Variants in HDAC8 observed in about 807,000 individuals in gnomAD.
The protein encoded by HDAC8 is histone deacetylase-like 1.
A neutral mutation model predicts 32.2 loss-of-function variants in HDAC8; 1 was observed. The ratio of observed to expected loss-of-function variants is 0.03; its 90% CI spans 0.01 to 0.15. The LOEUF is 0.15. HDAC8 is among the 10% of genes least tolerant of loss of function. The pLI is 1.00. For synonymous variants in HDAC8, 108 were observed against 113.9 expected, an observed-to-expected ratio of 0.95 and a Z score of 0.33; for missense variants, 117 against 300.0, an observed-to-expected ratio of 0.39 and a Z score of 4.51.
chrX:72,562,517 G>A (rs1036507804), intron 4 of HDAC8, among the ~76,000 whole-genome samples: 1 of 110,632 alleles, frequency 9.0e-6, no homozygotes, highest in Admixed American at 9.6e-5. Context: ...TTAGACTTTG[G>A]GGACTCGGGG....
chrX:72,499,123 A>G (rs2049126248), intron 4 of HDAC8, among the ~76,000 whole-genome samples: 1 of 111,869 alleles, frequency 8.9e-6, no homozygotes, highest in Non-Finnish European at 1.9e-5. Context: ...CCCTCACCAG[A>G]AGCAGATACT....
chrX:72,555,129 G>C (rs2147518612), intron 4 of HDAC8, among the ~76,000 whole-genome samples: 1 of 112,220 alleles, frequency 8.9e-6, no homozygotes, highest in East Asian at 2.8e-4. Context: ...CTGCTGGGTG[G>C]CTAGACTCAG....
rs1000988854 is a variant in HDAC8 at position 72,329,855 on chromosome X, T to C, written c.*199A>G. On this transcript the variant is annotated 3_prime_UTR_variant, in exon 11 of 11. Transcript: ENST00000373573. ...TGGGATATCTCCTTCTTCCCCTAGG[T>C]CCAGTTGAGGACTCTGGGGTGCCTG... 3.7e-5 allele frequency: 33 copies of C among 901,812 alleles called. No individual in the cohort carries two copies. The African/African-American group carries it at 6.3e-4, about 17-fold the overall frequency. 74.3% of individuals were successfully genotyped at this position (901,812 alleles called of 1,213,427 possible).
intron 4 of HDAC8, among the ~76,000 whole-genome samples, chrX:72,555,161 A>T (rs782353448): frequency 8.9e-6 from 1 of 112,065 alleles, no homozygotes; most frequent in Admixed American, 9.4e-5. Flanking sequence ...CAATCGCTAC[A>T]GTTTAGCTCT....
chrX:72,352,680 T>C (rs1356322317), intron 9 of HDAC8, among the ~76,000 whole-genome samples: 2 of 112,005 alleles, frequency 1.8e-5, no homozygotes, highest in Non-Finnish European at 3.8e-5. Flanking sequence ...AATTTTTCTT[T>C]CTCTATAGTA....
rs1429640140 is a variant in HDAC8 at position 72,357,978 on chromosome X, C to T, written c.1006-6140G>A. Among the ~76,000 whole-genome samples, 17 of 109,795 alleles carry T rather than the reference C, an allele frequency of 1.5e-4. No individual in the cohort carries two copies. The Admixed American group carries it at 1.7e-3, about 11-fold the overall frequency. ...GGAGTGCGGTGGCATGATCTCGGAT[C>T]ACTGCAACCTCCACCACCCAGGTTC... On this transcript the variant is annotated intron_variant, in intron 9 of 10. Coordinates refer to ENST00000373573, the MANE Select transcript of HDAC8 (RefSeq NM_018486.3).
intron 8 of HDAC8, among the ~76,000 whole-genome samples, chrX:72,462,863 G>A (rs1228897725): frequency 1.8e-5 from 2 of 111,907 alleles, no homozygotes; most frequent in African/African-American, 3.2e-5. Flanking sequence ...TAATCTCAAC[G>A]CAGCCTAAGG....
At chrX:72,387,272 G>A (rs1320324416) in intron 9 of HDAC8, among the ~76,000 whole-genome samples, 1 of 111,777 alleles carries the variant, frequency 8.9e-6, no homozygotes, top group Non-Finnish European at 1.9e-5. Flanking sequence ...AGGGAAGAGG[G>A]AAATCCTTTG....
At position 72,452,559 on chromosome X, in the gene HDAC8, C is replaced by G. The variant is rs782123965; in HGVS notation, c.1005+9445G>C. Among the ~76,000 whole-genome samples the G allele has an allele frequency of 2.7e-5, 3 of 111,835 alleles. No homozygotes were observed. The South Asian group carries it at 1.1e-3, about 42-fold the overall frequency. ...AGATCTCACTGAATACCTGGGGTAA[C>G]AGTATAGGCTTCACAGGGGTAGTAC... On this transcript the variant is annotated intron_variant, in intron 9 of 10. Transcript: ENST00000373573.
chrX:72,464,785 G>T, intron 7 of HDAC8, 54 bp from the exon 8 acceptor site: 4 of 862,639 alleles, frequency 4.6e-6, no homozygotes, highest in Non-Finnish European at 6.8e-6. Flanking sequence ...TAGGGGTAGT[G>T]GTGGTGGTAG....
chrX:72,507,144 T>C (rs1296244226), intron 4 of HDAC8, among the ~76,000 whole-genome samples: 3 of 110,965 alleles, frequency 2.7e-5, no homozygotes, highest in African/African-American at 9.8e-5. Flanking sequence ...CCACCACACC[T>C]GGCCAACATT....
intron 5 of HDAC8, 59 bp from the exon 6 acceptor site, chrX:72,491,065 A>C: frequency 1.2e-6 from 1 of 839,661 alleles, no homozygotes; most frequent in Non-Finnish European, 1.8e-6. Flanking sequence ...TATTTTCAAC[A>C]TCTGAAAATC....
At chrX:72,511,091 G>C (rs1556021702) in intron 4 of HDAC8, among the ~76,000 whole-genome samples, 1 of 111,320 alleles carries the variant, frequency 9.0e-6, no homozygotes, top group Non-Finnish European at 1.9e-5. Flanking sequence ...GTGATAGCAA[G>C]ATTCAATCAG....
chrX:72,383,137 T>C (rs1602641148), intron 9 of HDAC8, among the ~76,000 whole-genome samples: 1 of 112,421 alleles, frequency 8.9e-6, no homozygotes, highest in Admixed American at 9.4e-5. Flanking sequence ...GAAAGTCTGC[T>C]ATGTACTAGG....
At chrX:72,377,409 G>T (rs1179303343) in intron 9 of HDAC8, among the ~76,000 whole-genome samples, 1 of 112,274 alleles carries the variant, frequency 8.9e-6, no homozygotes, top group Non-Finnish European at 1.9e-5. Flanking sequence ...TGTATATTCT[G>T]CTCTAGTTGG....
chrX:72,520,235 TAC>T (rs2049941559), intron 4 of HDAC8, among the ~76,000 whole-genome samples: 1 of 112,053 alleles, frequency 8.9e-6, no homozygotes, highest in South Asian at 3.7e-4. Context: ...TTTTACCTCT[TAC>T]ATTTAGGTCT....
chrX:72,422,312 A>G lies in HDAC8; in HGVS notation c.1005+39692T>C, dbSNP rs372339290. Among the ~76,000 whole-genome samples the G allele has an allele frequency of 1.1e-3, 127 of 111,181 alleles. 1 individual carries two copies. The South Asian group carries it at 0.047, about 41-fold the overall frequency. On this transcript the variant is annotated intron_variant, in intron 9 of 10. Coordinates refer to ENST00000373573, the MANE Select transcript of HDAC8 (RefSeq NM_018486.3). ...ACTCCCATAATGTGTATGTTGGACC[A>G]CTTGATGGTGTCCCACAGGTCCCTT... is the stretch of plus-strand genomic sequence containing the variant.
At chrX:72,402,072 G>A (rs1555967537) in intron 9 of HDAC8, among the ~76,000 whole-genome samples, 2 of 111,421 alleles carry the variant, frequency 1.8e-5, no homozygotes, top group African/African-American at 6.5e-5. Flanking sequence ...TTCTTCTTGA[G>A]TCTTAAGTTT....
chrX:72,435,410 A>G (rs1166423885), intron 9 of HDAC8, among the ~76,000 whole-genome samples: 1 of 111,832 alleles, frequency 8.9e-6, no homozygotes, highest in African/African-American at 3.3e-5. Context: ...ATCAATTTGA[A>G]TGAGAACAGA....
Sources: gnomAD v4.1 joint callset for allele counts (sites outside exome capture counted in the v4.1 genomes callset) on GRCh38, gnomAD v4.1.1 for gene constraint, MANE v1.5 for transcripts, NCBI Gene and HGNC (gene_info 2026-07-23, HGNC 2026-07-21) for gene names.